MACROD2: variants seen among roughly 807,000 people sequenced by gnomAD.
MACROD2 encodes the protein mono-ADP ribosylhydrolase 2.
MACROD2 carries 36 observed loss-of-function variants against 70.4 expected under a neutral mutation model. That is an observed-to-expected ratio of 0.51 (90% CI 0.39 to 0.68). MACROD2 has a LOEUF of 0.68. MACROD2 is among the 30% of genes least tolerant of loss of function. The pLI is 0.00. For missense variants in MACROD2, 496 were observed against 538.4 expected (o/e 0.92, Z 0.78); for synonymous variants, 172 against 178.8 (o/e 0.96, Z 0.30).
Position 14,737,062 on chromosome 20 carries a change from G to A in MACROD2, c.418+52103G>A, listed in dbSNP as rs186145199. ...GGTGGTTTGCTGCACCCATCAACCC[G>A]TCACCTACATTAGGTATTTCTCCTA... On this transcript the variant is annotated intron_variant, in intron 5 of 17. Transcript: ENST00000684519. Among the ~76,000 whole-genome samples the A allele has an allele frequency of 4.1e-3, 618 of 152,002 alleles. 3 individuals are homozygous for A. The highest frequency in any genetic ancestry group is 6.7e-3 in the Non-Finnish European group (453 of 67,954).
At chr20:15,980,062 G>C (rs138243094) in intron 13 of MACROD2, among the ~76,000 whole-genome samples, 48 of 152,292 alleles carry the variant, frequency 3.2e-4, no homozygotes, top group Admixed American at 1.0e-3. Flanking sequence ...GAGCAAGCAG[G>C]GGGTACGTGG....
chr20:15,430,492 G>C (rs976247828), intron 6 of MACROD2, among the ~76,000 whole-genome samples: 1 of 151,930 alleles, frequency 6.6e-6, no homozygotes, highest in Non-Finnish European at 1.5e-5. Flanking sequence ...AAAACAGCTT[G>C]GTTGAATTTA....
intron 8 of MACROD2, among the ~76,000 whole-genome samples, chr20:15,503,179 G>T (rs2047385630): frequency 6.6e-6 from 1 of 152,116 alleles, no homozygotes; most frequent in African/African-American, 2.4e-5. Flanking sequence ...TAAATTTTTG[G>T]CCTGAGCTGC....
chr20:14,893,494 A>G (rs1477350473), intron 5 of MACROD2: 1 of 152,186 alleles, frequency 6.6e-6, no homozygotes. Context: ...ATATGCATAC[A>G]CGGCTTTAAA....
At chr20:15,416,449 C>G (rs547514109) in intron 6 of MACROD2, among the ~76,000 whole-genome samples, 1 of 152,150 alleles carries the variant, frequency 6.6e-6, no homozygotes, top group African/African-American at 2.4e-5. Flanking sequence ...ATTACCTTTA[C>G]GTATTGAATC....
chr20:15,405,803 T>A (rs1445031963), intron 6 of MACROD2, among the ~76,000 whole-genome samples: 1 of 152,204 alleles, frequency 6.6e-6, no homozygotes, highest in Non-Finnish European at 1.5e-5. Context: ...TTGCAACAGC[T>A]TTTACCAGTT....
chr20:15,149,985 A>T (rs1457406832), intron 5 of MACROD2, among the ~76,000 whole-genome samples: 1 of 152,080 alleles, frequency 6.6e-6, no homozygotes, highest in East Asian at 1.9e-4. Context: ...TTAGGATGGC[A>T]AAACCAGGTA....
At chr20:15,495,858 T>A (rs555696370) in intron 7 of MACROD2, among the ~76,000 whole-genome samples, 28 of 152,312 alleles carry the variant, frequency 1.8e-4, no homozygotes, top group African/African-American at 6.7e-4. Flanking sequence ...GAGAAGCCTT[T>A]CCTGAAGAAG....
chr20:14,387,001 C>T (rs2083474882), intron 3 of MACROD2, among the ~76,000 whole-genome samples: 1 of 152,198 alleles, frequency 6.6e-6, no homozygotes, highest in Non-Finnish European at 1.5e-5. Context: ...GCTTTAAGGA[C>T]ATGAATCTAA....
At chr20:15,639,282 G>C (rs1723523603) in intron 8 of MACROD2, among the ~76,000 whole-genome samples, 1 of 152,172 alleles carries the variant, frequency 6.6e-6, no homozygotes, top group Non-Finnish European at 1.5e-5. Context: ...GAAATGGTAG[G>C]GAGGGTTAGA....
chr20:15,441,023 C>T (rs1183748255), intron 7 of MACROD2, among the ~76,000 whole-genome samples: 1 of 152,164 alleles, frequency 6.6e-6, no homozygotes, highest in African/African-American at 2.4e-5. Context: ...AAATGCAGTG[C>T]TGGGGCCAAG....
chr20:15,472,848 C>A (rs1376471045), intron 7 of MACROD2, among the ~76,000 whole-genome samples: 1 of 152,136 alleles, frequency 6.6e-6, no homozygotes, highest in African/African-American at 2.4e-5. Flanking sequence ...TCTACAGAAT[C>A]TTGTTTTCTA....
At chr20:14,422,531 GA>G (rs1480128627) in intron 3 of MACROD2, among the ~76,000 whole-genome samples, 1 of 151,592 alleles carries the variant, frequency 6.6e-6, no homozygotes, top group African/African-American at 2.4e-5. Context: ...TTTTTGTAGT[GA>G]AAAGCTTTGA....
At chr20:14,469,526 A>T (rs1456804550) in intron 3 of MACROD2, among the ~76,000 whole-genome samples, 2 of 152,034 alleles carry the variant, frequency 1.3e-5, no homozygotes, top group African/African-American at 2.4e-5. Context: ...GTGTTTTCCA[A>T]CTGGGTTCCA....
intron 8 of MACROD2, among the ~76,000 whole-genome samples, chr20:15,660,044 T>C (rs1443424723): frequency 1.3e-5 from 2 of 152,148 alleles, no homozygotes; most frequent in African/African-American, 2.4e-5. Context: ...TGGGTCTTCA[T>C]TGTATCCCCA....
Position 14,130,025 on chromosome 20 carries a change from C to T in MACROD2, c.271+44297C>T, listed in dbSNP as rs750792062. The stretch of plus-strand genomic sequence containing the variant: ...GAACCTGCCGTATCTTTGAGGTATG[C>T]CTGTAATTCGGTGTTCATAAAATAT... On this transcript the variant is annotated intron_variant, in intron 3 of 17. Coordinates refer to ENST00000684519, the MANE Select transcript of MACROD2 (RefSeq NM_001351661.2). Among the ~76,000 whole-genome samples the T allele has an allele frequency of 3.1e-3, 474 of 152,146 alleles. 1 individual carries two copies. The highest frequency in any genetic ancestry group is 4.4e-3 in the Non-Finnish European group (298 of 67,998).
At chr20:15,945,289 G>T (rs2065806407) in intron 12 of MACROD2, among the ~76,000 whole-genome samples, 1 of 152,026 alleles carries the variant, frequency 6.6e-6, no homozygotes. Flanking sequence ...GCTAAATCTT[G>T]CTCTGCTACA....
intron 5 of MACROD2, among the ~76,000 whole-genome samples, chr20:14,861,084 T>G (rs927153013): frequency 3.3e-5 from 5 of 152,242 alleles, no homozygotes; most frequent in East Asian, 1.9e-4. Flanking sequence ...GAAAAATAAT[T>G]TACCCCACAT....
At chr20:15,509,218 AATATTCCCTTCATACTGG>A (rs1331017436) in intron 8 of MACROD2, among the ~76,000 whole-genome samples, 4 of 152,214 alleles carry the variant, frequency 2.6e-5, no homozygotes, top group Admixed American at 1.3e-4. Context: ...TCAGTCTTTC[AATATTCCCTTCATACTGG>A]AGGACCATCA....
Sources: allele counts gnomAD v4.1 joint callset (sites outside exome capture counted in the v4.1 genomes callset), GRCh38; gene constraint gnomAD v4.1.1; transcripts MANE v1.5; gene names NCBI Gene and HGNC (gene_info 2026-07-23, HGNC 2026-07-21).